AHCYL2: variants seen among roughly 807,000 people sequenced by gnomAD.
AHCYL2 encodes the protein S-adenosylhomocysteine hydrolase-like protein 2.
In AHCYL2, 28 loss-of-function variants were observed where a neutral mutation model predicts 81.4. The ratio of observed to expected loss-of-function variants is 0.34; its 90% CI spans 0.25 to 0.47. AHCYL2 has a LOEUF of 0.47. Among genes scored for constraint, AHCYL2 ranks in the 20% least tolerant of loss-of-function variants. The pLI is 1.00. For synonymous variants in AHCYL2, 272 were observed against 290.2 expected (o/e 0.94, Z 0.64); for missense variants, 551 against 785.1 (o/e 0.70, Z 3.56).
At chr7:129,278,264 T>TG (rs1237128678) in intron 1 of AHCYL2, among the ~76,000 whole-genome samples, 2 of 151,988 alleles carry the variant, frequency 1.3e-5, no homozygotes, top group African/African-American at 2.4e-5. Context: ...TTTTTAGAGA[T>TG]GGGGTCTCCC....
intron 1 of AHCYL2, among the ~76,000 whole-genome samples, chr7:129,281,709 G>C (rs558302121): frequency 2.8e-4 from 42 of 151,830 alleles, no homozygotes; most frequent in Admixed American, 4.6e-4. Context: ...TGTTGCCCGG[G>C]CTGGTCTTGA....
intron 1 of AHCYL2, chr7:129,377,563 G>A (rs1216278527): frequency 2.2e-6 from 1 of 456,654 alleles, no homozygotes; most frequent in Non-Finnish European, 4.4e-6. Context: ...GTCAGTTCCT[G>A]CTTTCATTCT....
intron 1 of AHCYL2, among the ~76,000 whole-genome samples, chr7:129,277,425 G>A (rs563430814): frequency 2.6e-5 from 4 of 151,840 alleles, no homozygotes; most frequent in African/African-American, 7.3e-5. Context: ...TTACAGGTGC[G>A]CACCACCACA....
chr7:129,297,761 C>G (rs1797103661), intron 1 of AHCYL2, among the ~76,000 whole-genome samples: 1 of 152,044 alleles, frequency 6.6e-6, no homozygotes, highest in Non-Finnish European at 1.5e-5. Context: ...GTGGCTCATG[C>G]TTGTAATCCC....
At chr7:129,336,037 T>C (rs1474313903) in intron 1 of AHCYL2, among the ~76,000 whole-genome samples, 1 of 146,502 alleles carries the variant, frequency 6.8e-6, no homozygotes. Flanking sequence ...TTCTTTTCTT[T>C]TCTCTTCTCT....
chr7:129,319,439 G>C (rs1249158818), intron 1 of AHCYL2, among the ~76,000 whole-genome samples: 1 of 151,062 alleles, frequency 6.6e-6, no homozygotes, highest in African/African-American at 2.4e-5. Context: ...AACAGAGTGA[G>C]ACTCTGTCGC....
chr7:129,269,965 A>T (rs1483109646), intron 1 of AHCYL2, among the ~76,000 whole-genome samples: 1 of 152,116 alleles, frequency 6.6e-6, no homozygotes, highest in Non-Finnish European at 1.5e-5. Flanking sequence ...GCTCCTATCT[A>T]CTACTCACTT....
chr7:129,395,037 TTTAA>T (rs1450886703), intron 4 of AHCYL2, among the ~76,000 whole-genome samples: 1 of 152,184 alleles, frequency 6.6e-6, no homozygotes, highest in Non-Finnish European at 1.5e-5. Context: ...TCCTGACATT[TTTAA>T]TTGAGTGGTA....
intron 1 of AHCYL2, among the ~76,000 whole-genome samples, chr7:129,333,225 C>T (rs1798482161): frequency 6.7e-6 from 1 of 149,288 alleles, no homozygotes; most frequent in Non-Finnish European, 1.5e-5. Flanking sequence ...ATCCCAGCAC[C>T]TTAAGAGGCT....
At chr7:129,355,295 G>T (rs1211594167) in intron 1 of AHCYL2, among the ~76,000 whole-genome samples, 2 of 152,172 alleles carry the variant, frequency 1.3e-5, no homozygotes, top group Non-Finnish European at 2.9e-5. Context: ...GTGTTCTTAA[G>T]CTCAAAAAGG....
At chr7:129,272,538 C>T (rs999337411) in intron 1 of AHCYL2, among the ~76,000 whole-genome samples, 1 of 152,058 alleles carries the variant, frequency 6.6e-6, no homozygotes, top group Non-Finnish European at 1.5e-5. Context: ...GATGGAGGGA[C>T]CTTGAGAAGA....
chr7:129,246,085 G>GT (rs1795046431), intron 1 of AHCYL2, among the ~76,000 whole-genome samples: 1 of 150,434 alleles, frequency 6.6e-6, no homozygotes, highest in Admixed American at 6.6e-5. Flanking sequence ...TTGAGACGGA[G>GT]TTTCACTCTT....
chr7:129,398,668 C>T (rs377582599), intron 5 of AHCYL2, among the ~76,000 whole-genome samples: 53 of 151,594 alleles, frequency 3.5e-4, no homozygotes, highest in South Asian at 2.1e-3. Flanking sequence ...TGTGAGCCAC[C>T]GCACCCGGCT....
intron 1 of AHCYL2, among the ~76,000 whole-genome samples, chr7:129,238,877 C>A (rs1046254184): frequency 1.3e-5 from 2 of 152,054 alleles, no homozygotes; most frequent in Admixed American, 1.3e-4. Context: ...CGCTTGAATC[C>A]AGGGGTGGAG....
chr7:129,378,959 G>A (rs1440222305), intron 1 of AHCYL2, among the ~76,000 whole-genome samples: 2 of 152,068 alleles, frequency 1.3e-5, no homozygotes, highest in South Asian at 2.1e-4. Context: ...GGGGAGTGGG[G>A]TGTCACAATT....
intron 1 of AHCYL2, among the ~76,000 whole-genome samples, chr7:129,305,184 G>A (rs2463096): frequency 0.071 from 10,772 of 152,120 alleles, 1,281 homozygotes; most frequent in African/African-American, 0.25. Context: ...TACTTAGGCC[G>A]GGCATGGTGG....
At chr7:129,425,407 T>A (rs1797317922) in intron 15 of AHCYL2, among the ~76,000 whole-genome samples, 1 of 152,128 alleles carries the variant, frequency 6.6e-6, no homozygotes, top group Non-Finnish European at 1.5e-5. Flanking sequence ...AAAGTATCTT[T>A]ATGTGGGAAT....
chr7:129,403,312 C>T, intron 6 of AHCYL2, 67 bp from the exon 7 acceptor site: 2 of 1,033,686 alleles, frequency 1.9e-6, no homozygotes, highest in Non-Finnish European at 2.8e-6. Flanking sequence ...GATGCAAGAC[C>T]CAGAGAAGCA....
intron 1 of AHCYL2, among the ~76,000 whole-genome samples, chr7:129,358,821 A>G (rs1024217177): frequency 6.6e-5 from 10 of 152,146 alleles, no homozygotes; most frequent in Admixed American, 5.9e-4. Context: ...TATAGATGAA[A>G]ACCACAGTGT....
Sources: allele counts gnomAD v4.1 joint callset (sites outside exome capture counted in the v4.1 genomes callset), GRCh38; gene constraint gnomAD v4.1.1; transcripts MANE v1.5; gene names NCBI Gene and HGNC (gene_info 2026-07-23, HGNC 2026-07-21).